Variants in EPC2 observed in about 807,000 individuals in gnomAD.
EPC2 encodes the protein enhancer of polycomb homolog 2.
A neutral mutation model predicts 92.1 loss-of-function variants in EPC2; 14 were observed. The ratio of observed to expected loss-of-function variants is 0.15; its 90% CI spans 0.10 to 0.24. EPC2 has a LOEUF of 0.24. Among genes scored for constraint, EPC2 ranks in the 10% least tolerant of loss-of-function variants. EPC2 has a pLI of 1.00. For missense variants in EPC2, 755 were observed against 971.5 expected (o/e 0.78, Z 2.96); for synonymous variants, 340 against 334.7 (o/e 1.02, Z -0.17).
At chr2:148,702,070 C>T (rs1389382618) in intron 2 of EPC2, among the ~76,000 whole-genome samples, 1 of 151,474 alleles carries the variant, frequency 6.6e-6, no homozygotes, top group Non-Finnish European at 1.5e-5. Flanking sequence ...ACCACTATTT[C>T]ATTTTTGACA....
chr2:148,719,701 TAGG>T (rs1682329875), intron 2 of EPC2, among the ~76,000 whole-genome samples: 1 of 152,200 alleles, frequency 6.6e-6, no homozygotes, highest in African/African-American at 2.4e-5. Context: ...TTCACCCAGT[TAGG>T]AGGAATGGGA....
At chr2:148,711,564 A>G (rs1682143911) in intron 2 of EPC2, among the ~76,000 whole-genome samples, 1 of 152,178 alleles carries the variant, frequency 6.6e-6, no homozygotes, top group Non-Finnish European at 1.5e-5. Context: ...CTCTTTTTGT[A>G]TGCAGCATTT....
At chr2:148,737,705 C>G (rs576645424) in intron 2 of EPC2, among the ~76,000 whole-genome samples, 1 of 151,978 alleles carries the variant, frequency 6.6e-6, no homozygotes, top group Non-Finnish European at 1.5e-5. Context: ...GATTTCAGCT[C>G]TCTCAGGGAT....
chr2:148,705,440 T>C (rs1035661600), intron 2 of EPC2, among the ~76,000 whole-genome samples: 1 of 152,126 alleles, frequency 6.6e-6, no homozygotes, highest in African/African-American at 2.4e-5. Context: ...AGATGGGTGA[T>C]TTCTGCATTT....
chr2:148,688,121 G>C (rs1681566552), intron 1 of EPC2, among the ~76,000 whole-genome samples: 2 of 152,090 alleles, frequency 1.3e-5, no homozygotes, highest in South Asian at 4.1e-4. Context: ...TAATATCTTA[G>C]GATTAAGAAT....
intron 4 of EPC2, among the ~76,000 whole-genome samples, chr2:148,760,563 G>A (rs1171244664): frequency 6.6e-6 from 1 of 152,070 alleles, no homozygotes; most frequent in Non-Finnish European, 1.5e-5. Context: ...TTTTTTAATT[G>A]AAAGGTATTA....
intron 1 of EPC2, among the ~76,000 whole-genome samples, chr2:148,673,955 T>G (rs1681205952): frequency 2.0e-5 from 3 of 152,256 alleles, no homozygotes; most frequent in African/African-American, 7.2e-5. Flanking sequence ...ACAGTTATTT[T>G]GAATTTTTTA....
intron 2 of EPC2, among the ~76,000 whole-genome samples, chr2:148,693,513 C>A (rs1241201306): frequency 6.6e-6 from 1 of 152,164 alleles, no homozygotes; most frequent in Non-Finnish European, 1.5e-5. Context: ...AGCCATGTTT[C>A]CCTATGTGTT....
At chr2:148,696,675 G>A (rs1196261106) in intron 2 of EPC2, among the ~76,000 whole-genome samples, 1 of 152,184 alleles carries the variant, frequency 6.6e-6, no homozygotes, top group Non-Finnish European at 1.5e-5. Context: ...GATACCCTGA[G>A]GTAACTCAGC....
At chr2:148,769,491 GC>G (rs754881219) in intron 8 of EPC2, among the ~76,000 whole-genome samples, 17 of 152,254 alleles carry the variant, frequency 1.1e-4, no homozygotes, top group South Asian at 4.2e-4. Context: ...TCTAATTATA[GC>G]TTCAGCAGCT....
In EPC2 at chr2:148,770,952, T is replaced by C. The variant is rs762450919; in HGVS notation, c.1376+15T>C. Reference sequence around the variant, plus strand: ...AGAGGTGGAAGGTGAAGTATTTGTTTTCACCTGGTTTTTGTTTGCTATCTG... The same window carrying C: ...AGAGGTGGAAGGTGAAGTATTTGTTCTCACCTGGTTTTTGTTTGCTATCTG... On this transcript the variant is annotated intron_variant, in intron 9 of 13. Coordinates refer to ENST00000258484, the MANE Select transcript of EPC2 (RefSeq NM_015630.4). The C allele has an allele frequency of 6.2e-7, 1 of 1,604,524 alleles. No homozygotes were observed. Among genetic ancestry groups the C allele is most frequent in the East Asian group, 2.2e-5 (1 of 44,836 alleles).
chr2:148,756,716 T>G (rs1373108491), intron 4 of EPC2, among the ~76,000 whole-genome samples: 1 of 152,226 alleles, frequency 6.6e-6, no homozygotes, highest in African/African-American at 2.4e-5. Context: ...GATTCAACTC[T>G]TAGTGTCTGT....
chr2:148,661,150 T>G (rs1680924725), intron 1 of EPC2, among the ~76,000 whole-genome samples: 1 of 152,114 alleles, frequency 6.6e-6, no homozygotes, highest in Admixed American at 6.6e-5. Context: ...ATAAATTAGC[T>G]TATAGAGAAT....
chr2:148,752,562 T>G (rs1428432630), intron 3 of EPC2, among the ~76,000 whole-genome samples: 1 of 152,176 alleles, frequency 6.6e-6, no homozygotes, highest in Admixed American at 6.5e-5. Context: ...TTAAGCTACC[T>G]CTACTAAGAG....
chr2:148,744,996 C>CT (rs1475573511), intron 3 of EPC2, among the ~76,000 whole-genome samples: 1 of 122,352 alleles, frequency 8.2e-6, no homozygotes, highest in East Asian at 2.3e-4. Context: ...TTTGCCCCCC[C>CT]CCCCCGCACC....
chr2:148,678,782 C>T lies in EPC2; in HGVS notation c.154-11432C>T, dbSNP rs561564050. Among the ~76,000 whole-genome samples the T allele has an allele frequency of 5.9e-5, 9 of 152,366 alleles. No individual in the cohort carries two copies. The East Asian group carries it at 7.7e-4, about 13-fold the overall frequency. ...ACTTGTGCCTCTCCCTCCACACCTC[C>T]GTGCAAGCTGAGGGAGCAGGTTCCA... On this transcript the variant is annotated intron_variant, in intron 1 of 13. Coordinates refer to ENST00000258484, the MANE Select transcript of EPC2 (RefSeq NM_015630.4).
intron 1 of EPC2, among the ~76,000 whole-genome samples, chr2:148,689,320 G>A (rs1681597588): frequency 6.6e-6 from 1 of 151,548 alleles, no homozygotes; most frequent in South Asian, 2.1e-4. Flanking sequence ...GGGACTAGAG[G>A]CACCCGCCAC....
At position 148,771,079 on chromosome 2, in the gene EPC2, C is replaced by T. The variant is rs778245242; in HGVS notation, c.1412C>T (p.Pro471Leu). The change falls in exon 10 of 14, where the codon CCA (proline) becomes CTA (leucine). Residue 471 changes from proline to leucine, a missense_variant. Around this residue, in one of 4 missense-constraint regions of EPC2, gnomAD observed 509 missense variants for 607.7 expected, o/e 0.84. Coordinates refer to ENST00000258484, the MANE Select transcript of EPC2 (RefSeq NM_015630.4). Reference protein sequence around the residue: ...IMDRISTEHDPVLKQIDPEML... With the variant: ...IMDRISTEHDLVLKQIDPEML... Reference sequence around the variant, plus strand: ...GACCGAATATCCACAGAACATGACCCAGTCCTGAAACAGATAGACCCTGAA... The same window carrying T: ...GACCGAATATCCACAGAACATGACCTAGTCCTGAAACAGATAGACCCTGAA... 1 of 1,611,530 alleles carries T rather than the reference C, an allele frequency of 6.2e-7. No homozygotes were observed. The highest frequency in any genetic ancestry group is 8.5e-7 in the Non-Finnish European group (1 of 1,178,792).
At chr2:148,718,009 C>T (rs1389715063) in intron 2 of EPC2, among the ~76,000 whole-genome samples, 1 of 152,176 alleles carries the variant, frequency 6.6e-6, no homozygotes, top group Non-Finnish European at 1.5e-5. Context: ...CCTTCGTTGT[C>T]TTTTTTGATC....
Sources: gnomAD v4.1 joint callset for allele counts (sites outside exome capture counted in the v4.1 genomes callset) on GRCh38, gnomAD v4.1.1 for gene constraint, gnomAD v4.1.1 regional missense constraint, MANE v1.5 for transcripts, NCBI Gene and HGNC (gene_info 2026-07-23, HGNC 2026-07-21) for gene names.